The following ALG1L2 variants were observed in gnomAD, a reference collection of about 807,000 sequenced individuals.
The protein encoded by ALG1L2 is putative glycosyltransferase ALG1L2.
Under a neutral mutation model 29.0 loss-of-function variants are expected in ALG1L2, and 32 were observed. The observed-to-expected ratio is 1.10, with a 90% CI of 0.83 to 1.48. The LOEUF is 1.48. Ranked by LOEUF, ALG1L2 falls within the 40% of genes most tolerant of loss-of-function variation. The pLI is 0.00. For synonymous variants in ALG1L2, 110 were observed against 109.5 expected (o/e 1.00, Z -0.03); for missense variants, 318 against 274.1 (o/e 1.16, Z -1.13).
At chr3:130,085,239 C>A (rs186296514) in intron 1 of ALG1L2, among the ~76,000 whole-genome samples, 7 of 146,724 alleles carry the variant, frequency 4.8e-5, no homozygotes, top group Non-Finnish European at 1.1e-4. Flanking sequence ...AGATTACAGA[C>A]GTGAGCCACC....
At chr3:130,086,249 G>A (rs116002394) in intron 1 of ALG1L2, among the ~76,000 whole-genome samples, 1,146 of 151,196 alleles carry the variant, frequency 7.6e-3, no homozygotes, top group African/African-American at 0.025. Context: ...TTTGAAGTAG[G>A]AAGCATCAAA....
At chr3:130,093,064 A>G (rs1935054055) in intron 3 of ALG1L2, 37 bp from the exon 4 acceptor site, 1 of 1,534,804 alleles carries the variant, frequency 6.5e-7, no homozygotes, top group South Asian at 1.2e-5. Context: ...ATTAAATCAG[A>G]AATTCCATGT....
intron 1 of ALG1L2, 90 bp from the exon 2 acceptor site, chr3:130,091,171 C>T (rs939178313): frequency 2.1e-5 from 25 of 1,217,352 alleles, no homozygotes; most frequent in Admixed American, 5.8e-5. Context: ...GGATGGGTGA[C>T]GTTGGGCATG....
At chr3:130,082,920 A>G (rs1410049108) in intron 1 of ALG1L2, among the ~76,000 whole-genome samples, 1 of 140,724 alleles carries the variant, frequency 7.1e-6, no homozygotes, top group Non-Finnish European at 1.6e-5. Flanking sequence ...TCAGAATTGA[A>G]AACCAAGTCA....
intron 1 of ALG1L2, among the ~76,000 whole-genome samples, chr3:130,085,796 C>G (rs1204686949): frequency 3.4e-5 from 5 of 148,612 alleles, no homozygotes; most frequent in African/African-American, 1.2e-4. Context: ...AGGCAGAGAC[C>G]AGTGAGGGGC....
At chr3:130,084,110 G>A (rs1577324147) in intron 1 of ALG1L2, among the ~76,000 whole-genome samples, 1 of 147,170 alleles carries the variant, frequency 6.8e-6, no homozygotes, top group East Asian at 2.0e-4. Context: ...TGAGGCTCAG[G>A]AGGGGCTACT....
chr3:130,097,194 C>T lies in ALG1L2; in HGVS notation c.559C>T (p.His187Tyr). The T allele has an allele frequency of 6.2e-7, 1 of 1,611,942 alleles. No homozygotes were observed. Among genetic ancestry groups the T allele is most frequent in the Non-Finnish European group, 8.5e-7 (1 of 1,179,868 alleles). ...CTGCAGTTTACATGAGCTGGTGAAACATGAAGAAAACCGCCTGGTCTTTGA... is the reference window on the plus strand; with the variant it reads ...CTGCAGTTTACATGAGCTGGTGAAATATGAAGAAAACCGCCTGGTCTTTGA... ...NFKCLHELVK[H>Y]EENRLVFEDS... is the part of the protein sequence containing the mutation. The change falls in exon 7 of 8, where the codon CAT becomes TAT. Residue 187 changes from histidine to tyrosine, a missense_variant. Transcript: ENST00000425059.
At chr3:130,091,148 G>T in intron 1 of ALG1L2, 113 bp from the exon 2 acceptor site, 2 of 940,612 alleles carry the variant, frequency 2.1e-6, no homozygotes, top group Non-Finnish European at 3.2e-6. Flanking sequence ...GGAAATAAAG[G>T]TTGTTTTGCT....
At chr3:130,094,141 T>G (rs954519154) in intron 4 of ALG1L2, 13 of 510,992 alleles carry the variant, frequency 2.5e-5, no homozygotes, top group Non-Finnish European at 4.6e-5. Context: ...GCCAGGCCAG[T>G]GCTTACCCCG....
chr3:130,098,001 T>A (rs1392190819), intron 7 of ALG1L2, among the ~76,000 whole-genome samples: 5 of 152,094 alleles, frequency 3.3e-5, no homozygotes, highest in Non-Finnish European at 7.4e-5. Flanking sequence ...GGCCGGAAGG[T>A]GCTCCAGGGC....
At chr3:130,083,590 A>G (rs1934830854) in intron 1 of ALG1L2, among the ~76,000 whole-genome samples, 2 of 133,716 alleles carry the variant, frequency 1.5e-5, no homozygotes, top group East Asian at 2.1e-4. Context: ...CAGTGTTCCT[A>G]TTTAAATCTG....
chr3:130,094,635 C>T (rs1474058574), intron 5 of ALG1L2, 122 bp downstream of exon 5: 3 of 1,126,728 alleles, frequency 2.7e-6, no homozygotes, highest in African/African-American at 1.5e-5. Context: ...AGGACCTGGG[C>T]TCTAGCTGAA....
chr3:130,094,467 G>T lies in ALG1L2; in HGVS notation c.378G>T (p.Gln126His). 1 of 1,596,258 alleles carries T rather than the reference G, an allele frequency of 6.3e-7. No individual in the cohort carries two copies. The highest frequency in any genetic ancestry group is 8.5e-7 in the Non-Finnish European group (1 of 1,179,668). ...ACCAGAAGCATTTCCAGCACATCCAGGTCTGCATCCCCTGGCTGGAGGGCC... is the reference window on the plus strand; with the variant it reads ...ACCAGAAGCATTTCCAGCACATCCATGTCTGCATCCCCTGGCTGGAGGGCC... ...LIHQKHFQHI[Q>H]VCIPWLEGRG... The change falls in exon 5 of 8, where the codon CAG becomes CAT. Residue 126 changes from glutamine (Q) to histidine (H), a missense_variant. Gln to His is a conservative substitution (Grantham distance 24). Coordinates refer to ENST00000425059, the MANE Select transcript of ALG1L2 (RefSeq NM_001136152.1).
chr3:130,096,248 A>C, intron 6 of ALG1L2, 85 bp downstream of exon 6: 1 of 1,483,042 alleles, frequency 6.7e-7, no homozygotes. Flanking sequence ...AGCTGCCCAC[A>C]GTGAGGCCCT....
intron 1 of ALG1L2, among the ~76,000 whole-genome samples, chr3:130,087,237 G>T (rs1366914958): frequency 6.6e-6 from 1 of 150,718 alleles, no homozygotes; most frequent in African/African-American, 2.4e-5. Context: ...TGACACCATT[G>T]CTGTGATAGT....
At chr3:130,085,013 C>T (rs9812661) in intron 1 of ALG1L2, among the ~76,000 whole-genome samples, 35,965 of 125,770 alleles carry the variant, frequency 0.29, 3,288 homozygotes, top group Middle Eastern at 0.31. Flanking sequence ...GGCTGGAGTG[C>T]GGTGGTGCAA....
intron 4 of ALG1L2, among the ~76,000 whole-genome samples, chr3:130,093,432 G>A (rs1935062662): frequency 9.9e-6 from 1 of 100,664 alleles, no homozygotes; most frequent in Non-Finnish European, 2.0e-5. Flanking sequence ...TGTCATTGGT[G>A]TCTTTTTTTT....
intron 1 of ALG1L2, among the ~76,000 whole-genome samples, chr3:130,088,379 G>C (rs1934938426): frequency 6.6e-6 from 1 of 152,298 alleles, no homozygotes; most frequent in African/African-American, 2.4e-5. Context: ...TCTTTCCCCT[G>C]CTGTTCCCAT....
chr3:130,092,347 G>T lies in ALG1L2; in HGVS notation c.253+125G>T, dbSNP rs189997091. On this transcript the variant is annotated intron_variant, in intron 3 of 7. Transcript: ENST00000425059. Reference sequence around the variant, plus strand: ...ACGGTCTCAGTGAGAAGGGGAGGGCGTGTGAGCTGGAAGAGTGGTGTCTAG... The same window carrying T: ...ACGGTCTCAGTGAGAAGGGGAGGGCTTGTGAGCTGGAAGAGTGGTGTCTAG... 15 of 1,596,614 alleles carry T rather than the reference G, an allele frequency of 9.4e-6. No individual in the cohort carries two copies. In the East Asian group the frequency reaches 3.1e-4, roughly 33 times the overall value.
Sources: allele counts gnomAD v4.1 joint callset (sites outside exome capture counted in the v4.1 genomes callset), GRCh38; gene constraint gnomAD v4.1.1; transcripts MANE v1.5; gene names NCBI Gene and HGNC (gene_info 2026-07-23, HGNC 2026-07-21).